Variants in PMM2 observed in about 807,000 individuals in gnomAD.
PMM2 encodes the protein phosphomannomutase 2.
PMM2 carries 35 observed loss-of-function variants against 33.2 expected under a neutral mutation model. That is an observed-to-expected ratio of 1.06 (90% CI 0.81 to 1.40). PMM2 has a LOEUF of 1.40. PMM2 is among the 40% of genes most tolerant of loss of function. The pLI is 0.00. For missense variants in PMM2, 386 were observed against 306.0 expected, an observed-to-expected ratio of 1.26 and a Z score of -1.95; for synonymous variants, 153 against 114.7, an observed-to-expected ratio of 1.33 and a Z score of -2.13.
chr16:8,812,898 T>C, intron 6 of PMM2, 93 bp from the exon 7 acceptor site: 1 of 802,334 alleles, frequency 1.2e-6, no homozygotes, highest in Non-Finnish European at 2.3e-6. Context: ...GGCAACCCAC[T>C]AACTGACAAA....
At chr16:8,812,908 A>G (rs2060685306) in intron 6 of PMM2, 83 bp from the exon 7 acceptor site, 4 of 839,120 alleles carry the variant, frequency 4.8e-6, no homozygotes, top group Non-Finnish European at 8.4e-6. Flanking sequence ...TAACTGACAA[A>G]AGAGTAAATT....
At chr16:8,818,070 A>G (rs1424838990) in intron 7 of PMM2, among the ~76,000 whole-genome samples, 1 of 151,850 alleles carries the variant, frequency 6.6e-6, no homozygotes, top group Non-Finnish European at 1.5e-5. Context: ...CGCCCGGCTA[A>G]TTTTTTGTAT....
intron 7 of PMM2, among the ~76,000 whole-genome samples, chr16:8,846,926 C>A (rs956367626): frequency 6.6e-6 from 1 of 152,030 alleles, no homozygotes; most frequent in Non-Finnish European, 1.5e-5. Flanking sequence ...TGCAGTGGTG[C>A]GATCTCGGCT....
intron 7 of PMM2, chr16:8,833,013 G>A (rs553639788): frequency 3.3e-6 from 2 of 599,142 alleles, no homozygotes; most frequent in East Asian, 1.4e-4. Flanking sequence ...ATCCCCAGCT[G>A]CTAAAGCAAT....
chr16:8,838,623 G>A (rs1219131737), intron 7 of PMM2, among the ~76,000 whole-genome samples: 1 of 151,960 alleles, frequency 6.6e-6, no homozygotes, highest in African/African-American at 2.4e-5. Context: ...AACATTTGTT[G>A]TATAGAATGA....
intron 2 of PMM2, among the ~76,000 whole-genome samples, chr16:8,804,228 C>T (rs903416063): frequency 2.0e-5 from 3 of 149,784 alleles, no homozygotes; most frequent in Non-Finnish European, 3.0e-5. Flanking sequence ...TTAGTAGAGA[C>T]GGGGGTTTCA....
intron 7 of PMM2, among the ~76,000 whole-genome samples, chr16:8,839,317 G>A (rs1481926397): frequency 6.6e-6 from 1 of 151,956 alleles, no homozygotes; most frequent in African/African-American, 2.4e-5. Context: ...CTTGTGCGAG[G>A]CAAAACTGGA....
At chr16:8,820,994 C>G (rs1416647305) in intron 7 of PMM2, among the ~76,000 whole-genome samples, 1 of 54,626 alleles carries the variant, frequency 1.8e-5, no homozygotes, top group African/African-American at 5.1e-5. Flanking sequence ...GGCAGTTGGC[C>G]TTTGCGATCC....
At chr16:8,806,462 G>C (rs755899276) in intron 4 of PMM2, 55 bp downstream of exon 4, 5 of 957,596 alleles carry the variant, frequency 5.2e-6, no homozygotes, top group Admixed American at 1.7e-5. Context: ...GTGTCACATG[G>C]TGGGCTAATG....
intron 7 of PMM2, chr16:8,832,481 G>T: frequency 1.0e-6 from 1 of 985,458 alleles, no homozygotes; most frequent in Non-Finnish European, 1.2e-6. Flanking sequence ...CACGGGAGGA[G>T]ACTCGTGCCG....
chr16:8,828,151 A>G (rs2060789229), intron 7 of PMM2, among the ~76,000 whole-genome samples: 1 of 149,930 alleles, frequency 6.7e-6, no homozygotes. Context: ...CAAAATTAAT[A>G]AGTCTTATCT....
intron 7 of PMM2, among the ~76,000 whole-genome samples, chr16:8,827,371 CT>C (rs1036626956): frequency 1.3e-5 from 2 of 150,854 alleles, no homozygotes; most frequent in Admixed American, 6.6e-5. Flanking sequence ...GCACAAAGGC[CT>C]TTTTTTTATT....
chr16:8,798,054 G>A, intron 1 of PMM2, 106 bp downstream of exon 1: 2 of 1,058,220 alleles, frequency 1.9e-6, no homozygotes, highest in Non-Finnish European at 2.8e-6. Flanking sequence ...GCTAAGGACC[G>A]CCTACGTCCT....
At position 8,801,841 on chromosome 16, in the gene PMM2, C is replaced by T. The variant is rs764353860; in HGVS notation, c.109C>T (p.Gln37Ter). 2.5e-5 allele frequency: 41 copies of T among 1,611,936 alleles called. No homozygotes were observed. In the Admixed American group the frequency reaches 5.8e-4, roughly 23 times the overall value. ...EMDDFLQKLR[Q>*]KIKIGVVGGS... ...GGATGACTTCCTACAAAAATTGAGG[C>T]AGAAGATCAAAATCGGAGTGGTAGG... Residue 37 changes from glutamine to a stop codon, truncating the protein, a stop_gained, in exon 2 of 8, where the codon CAG (glutamine) becomes TAG (stop). Coordinates refer to ENST00000268261, the MANE Select transcript of PMM2 (RefSeq NM_000303.3). LOFTEE classifies it high-confidence loss of function.
intron 7 of PMM2, among the ~76,000 whole-genome samples, chr16:8,833,691 G>C (rs3969469): frequency 8.9e-4 from 135 of 151,274 alleles, no homozygotes; most frequent in African/African-American, 3.2e-3. Context: ...AACATCTGTC[G>C]TATAGAATGA....
intron 7 of PMM2, among the ~76,000 whole-genome samples, chr16:8,840,203 G>A (rs1423749699): frequency 6.6e-6 from 1 of 151,790 alleles, no homozygotes; most frequent in Non-Finnish European, 1.5e-5. Flanking sequence ...GAGAGGTAGA[G>A]GGTGGCATAA....
At chr16:8,844,901 T>A (rs1370103400) in intron 7 of PMM2, among the ~76,000 whole-genome samples, 1 of 152,136 alleles carries the variant, frequency 6.6e-6, no homozygotes, top group Admixed American at 6.5e-5. Flanking sequence ...ATTGGTGAGA[T>A]GTTTCTTGGG....
intron 7 of PMM2, among the ~76,000 whole-genome samples, chr16:8,814,051 G>C (rs2060693074): frequency 6.6e-6 from 1 of 151,858 alleles, no homozygotes; most frequent in Non-Finnish European, 1.5e-5. Flanking sequence ...GTTTTTAGTA[G>C]AGATAGGGTT....
chr16:8,817,083 G>T (rs2060712524), intron 7 of PMM2, among the ~76,000 whole-genome samples: 1 of 152,184 alleles, frequency 6.6e-6, no homozygotes, highest in Non-Finnish European at 1.5e-5. Context: ...CACAGCTGGT[G>T]ATACCTGCTG....
Sources: gnomAD v4.1 joint callset for allele counts (sites outside exome capture counted in the v4.1 genomes callset) on GRCh38, gnomAD v4.1.1 for gene constraint, MANE v1.5 for transcripts, NCBI Gene and HGNC (gene_info 2026-07-23, HGNC 2026-07-21) for gene names.